BNC2: variants seen among roughly 807,000 people sequenced by gnomAD.
The protein encoded by BNC2 is basonuclin zinc finger protein 2.
BNC2 carries 20 observed loss-of-function variants against 76.3 expected under a neutral mutation model. The observed-to-expected ratio is 0.26, with a 90% confidence interval of 0.18 to 0.38. The LOEUF is 0.38. Among genes scored for constraint, BNC2 ranks in the 10% least tolerant of loss-of-function variants. BNC2 has a pLI of 1.00. For missense variants in BNC2, 1,382 were observed against 1,399.8 expected (o/e 0.99, Z 0.20); for synonymous variants, 582 against 514.8 (o/e 1.13, Z -1.77).
intron 3 of BNC2, among the ~76,000 whole-genome samples, chr9:16,720,608 T>A (rs984981493): frequency 6.6e-6 from 1 of 152,220 alleles, no homozygotes; most frequent in Non-Finnish European, 1.5e-5. Flanking sequence ...ATTATTTTCA[T>A]TTTCTTTACA....
chr9:16,686,581 A>G (rs753540269), intron 3 of BNC2, among the ~76,000 whole-genome samples: 1 of 152,192 alleles, frequency 6.6e-6, no homozygotes, highest in Non-Finnish European at 1.5e-5. Flanking sequence ...TCCCTATCAA[A>G]GCACTCCTCT....
At chr9:16,761,355 C>T (rs11794789) in intron 1 of BNC2, among the ~76,000 whole-genome samples, 2,079 of 152,256 alleles carry the variant, frequency 0.014, 23 homozygotes, top group Non-Finnish European at 0.02. Context: ...AGAGGTAATT[C>T]CACTTGTTTT....
intron 3 of BNC2, among the ~76,000 whole-genome samples, chr9:16,691,957 C>A (rs1441275371): frequency 6.6e-6 from 1 of 151,888 alleles, no homozygotes; most frequent in Non-Finnish European, 1.5e-5. Context: ...ATTACAGGTG[C>A]CTGCCACCAT....
At chr9:16,624,182 TA>T (rs1330618933) in intron 3 of BNC2, among the ~76,000 whole-genome samples, 1 of 152,186 alleles carries the variant, frequency 6.6e-6, no homozygotes, top group Non-Finnish European at 1.5e-5. Context: ...CATGTGTTAT[TA>T]ATAAGCTAGA....
intron 1 of BNC2, among the ~76,000 whole-genome samples, chr9:16,826,146 A>G (rs1011014133): frequency 1.3e-5 from 2 of 152,042 alleles, no homozygotes; most frequent in Non-Finnish European, 2.9e-5. Flanking sequence ...CACAGCTAAC[A>G]CATTTTTTAA....
At chr9:16,442,617 C>A (rs1032779966) in intron 5 of BNC2, among the ~76,000 whole-genome samples, 6 of 152,108 alleles carry the variant, frequency 3.9e-5, no homozygotes, top group Admixed American at 1.3e-4. Flanking sequence ...AAATAAGGGG[C>A]TTTGGGATAA....
intron 3 of BNC2, among the ~76,000 whole-genome samples, chr9:16,656,866 G>A (rs1275646610): frequency 6.6e-6 from 1 of 152,128 alleles, no homozygotes; most frequent in Non-Finnish European, 1.5e-5. Context: ...AGAGGCACTG[G>A]GGATGCAGAA....
At chr9:16,543,049 G>A (rs928818170) in intron 5 of BNC2, among the ~76,000 whole-genome samples, 2 of 152,016 alleles carry the variant, frequency 1.3e-5, no homozygotes, top group Non-Finnish European at 2.9e-5. Context: ...TGTCAAATTG[G>A]GGGAAATACT....
At chr9:16,612,152 G>A (rs567103008) in intron 3 of BNC2, among the ~76,000 whole-genome samples, 4 of 151,710 alleles carry the variant, frequency 2.6e-5, no homozygotes, top group African/African-American at 7.2e-5. Flanking sequence ...AAATGTGGAC[G>A]TCTTTCTTTC....
At chr9:16,663,926 C>A (rs1231180295) in intron 3 of BNC2, among the ~76,000 whole-genome samples, 3 of 152,158 alleles carry the variant, frequency 2.0e-5, no homozygotes, top group Non-Finnish European at 4.4e-5. Context: ...CCTATAAAGT[C>A]TTGCTATATT....
intron 4 of BNC2, among the ~76,000 whole-genome samples, chr9:16,581,681 T>C (rs1004951880): frequency 2.6e-5 from 4 of 152,192 alleles, no homozygotes; most frequent in Admixed American, 2.6e-4. Context: ...CATTTTGTTA[T>C]GGCAGCCCTA....
At chr9:16,548,105 T>C (rs1002892698) in intron 5 of BNC2, among the ~76,000 whole-genome samples, 3 of 152,170 alleles carry the variant, frequency 2.0e-5, no homozygotes, top group Non-Finnish European at 1.5e-5. Context: ...TCAGAGTGTC[T>C]CAACTGCTTC....
chr9:16,581,425 G>A (rs1819626834), intron 4 of BNC2, among the ~76,000 whole-genome samples: 2 of 152,304 alleles, frequency 1.3e-5, no homozygotes, highest in South Asian at 4.2e-4. Context: ...GGGTGTGGTG[G>A]CGCATGCCTG....
intron 1 of BNC2, among the ~76,000 whole-genome samples, chr9:16,798,783 G>A (rs1817716136): frequency 6.6e-6 from 1 of 152,006 alleles, no homozygotes; most frequent in Admixed American, 6.6e-5. Flanking sequence ...CAACTACACT[G>A]AATGGGCAAT....
intron 1 of BNC2, among the ~76,000 whole-genome samples, chr9:16,828,851 G>C (rs578077324): frequency 6.6e-6 from 1 of 152,318 alleles, no homozygotes; most frequent in African/African-American, 2.4e-5. Flanking sequence ...TAGTGGCACT[G>C]GAATAACCTG....
At chr9:16,577,067 C>G (rs1489283262) in intron 4 of BNC2, among the ~76,000 whole-genome samples, 1 of 152,086 alleles carries the variant, frequency 6.6e-6, no homozygotes, top group Non-Finnish European at 1.5e-5. Context: ...ATGCTTATGA[C>G]CAATAGCCCT....
intron 1 of BNC2, among the ~76,000 whole-genome samples, chr9:16,814,074 G>A (rs918145747): frequency 3.9e-5 from 6 of 152,160 alleles, no homozygotes; most frequent in Non-Finnish European, 5.9e-5. Context: ...ACGGACCACT[G>A]GGCTGTGGAC....
intron 3 of BNC2, among the ~76,000 whole-genome samples, chr9:16,671,202 C>T (rs1168106113): frequency 6.6e-6 from 1 of 152,146 alleles, no homozygotes; most frequent in Non-Finnish European, 1.5e-5. Context: ...AACAAAATGC[C>T]TTCATGCAAG....
intron 5 of BNC2, among the ~76,000 whole-genome samples, chr9:16,462,187 A>T (rs1376695351): frequency 6.6e-6 from 1 of 152,114 alleles, no homozygotes; most frequent in Non-Finnish European, 1.5e-5. Flanking sequence ...CACGTTCTTT[A>T]CTTTTTTATA....
Sources: gnomAD v4.1 joint callset for allele counts (sites outside exome capture counted in the v4.1 genomes callset) on GRCh38, gnomAD v4.1.1 for gene constraint, MANE v1.5 for transcripts, NCBI Gene and HGNC (gene_info 2026-07-23, HGNC 2026-07-21) for gene names.